Variants in NUMB observed in about 807,000 individuals in gnomAD.
NUMB encodes NUMB endocytic adaptor protein, also known as protein numb homolog.
A neutral mutation model predicts 59.7 loss-of-function variants in NUMB; 29 were observed. That is an observed-to-expected ratio of 0.49 (90% CI 0.36 to 0.66). The LOEUF (loss-of-function observed/expected upper bound fraction) is 0.66, where lower values mean the gene tolerates loss of function less well. Ranked by LOEUF, NUMB falls within the 30% of genes least tolerant of loss-of-function variation. NUMB has a pLI of 0.00. For missense variants in NUMB, 723 were observed against 822.0 expected (o/e 0.88, Z 1.47); for synonymous variants, 288 against 288.2 (o/e 1.00, Z 0.01).
chr14:73,439,918 C>T (rs1595041710), intron 1 of NUMB, among the ~76,000 whole-genome samples: 2 of 152,114 alleles, frequency 1.3e-5, no homozygotes, highest in Non-Finnish European at 2.9e-5. Context: ...AGAGAAATAG[C>T]AGCTGAACTT....
intron 4 of NUMB, among the ~76,000 whole-genome samples, chr14:73,338,004 T>G (rs886393361): frequency 1.3e-5 from 2 of 152,036 alleles, no homozygotes; most frequent in Admixed American, 6.6e-5. Flanking sequence ...ATTGGTACAG[T>G]TCAGGTGCAG....
Position 73,282,373 on chromosome 14 carries a change from G to T in NUMB, c.1082C>A (p.Ser361Tyr). Reference sequence around the variant, plus strand: ...AGGGCACCAACCTTGGAAGGTAGGAGATTGTGGTGCCACCACTGTCACTGG... The same window carrying T: ...AGGGCACCAACCTTGGAAGGTAGGATATTGTGGTGCCACCACTGTCACTGG... ...TKPVTVVAPQSPTFQANGTDS... is the reference protein window; with the variant it reads ...TKPVTVVAPQYPTFQANGTDS... The change falls in exon 11 of 13, where the codon TCT (serine) becomes TAT (tyrosine). Residue 361 changes from serine to tyrosine, a missense_variant. Physicochemically the swap from Ser to Tyr is moderately radical, Grantham distance 144. Around this residue, in one of 2 missense-constraint regions of NUMB, gnomAD observed 406 missense variants for 385.4 expected, o/e 1.05. Coordinates refer to ENST00000555238, the MANE Select transcript of NUMB (RefSeq NM_001005743.2). The T allele has an allele frequency of 6.2e-7, 1 of 1,614,188 alleles. No homozygotes were observed. The highest frequency in any genetic ancestry group is 8.5e-7 in the Non-Finnish European group (1 of 1,180,028).
intron 2 of NUMB, among the ~76,000 whole-genome samples, chr14:73,401,563 ATTTTTTTTTTTT>A (rs1164847403): frequency 2.7e-5 from 3 of 110,054 alleles, no homozygotes; most frequent in Non-Finnish European, 3.6e-5. Context: ...GTAAGACTAA[ATTTTTTTTTTTT>A]TTTTTTTTTT....
At chr14:73,331,816 A>T (rs1891996390) in intron 4 of NUMB, among the ~76,000 whole-genome samples, 1 of 152,124 alleles carries the variant, frequency 6.6e-6, no homozygotes. Context: ...GCCTTCTGCC[A>T]CGATTGCAAG....
chr14:73,435,431 G>A (rs1221128539), intron 1 of NUMB, among the ~76,000 whole-genome samples: 1 of 151,452 alleles, frequency 6.6e-6, no homozygotes. Context: ...CCGCCACCAC[G>A]CCCAGCTAAT....
At position 73,336,286 on chromosome 14, in the gene NUMB, C is replaced by A. The variant is rs149537808; in HGVS notation, c.127-13082G>T. On this transcript the variant is annotated intron_variant, in intron 4 of 12. Transcript: ENST00000555238. ...TTACATATATTAACTTATCATTATT[C>A]TTCTTTAAAACAAAGAGAAGATGAC... is the stretch of plus-strand genomic sequence containing the variant. Among the ~76,000 whole-genome samples the A allele has an allele frequency of 4.1e-4, 63 of 152,286 alleles. 1 individual carries two copies. Among genetic ancestry groups the A allele is most frequent in the African/African-American group, 1.5e-3 (61 of 41,558 alleles).
At chr14:73,314,707 C>CGCCTTATCTTATATAGCTTATCGTATATA (rs1566739459) in intron 6 of NUMB, among the ~76,000 whole-genome samples, 3 of 151,958 alleles carry the variant, frequency 2.0e-5, no homozygotes, top group Non-Finnish European at 4.4e-5. Context: ...TTATCTATGA[C>CGCCTTATCTTATATAGCTTATCGTATATA]GCCTTATCTT....
At chr14:73,432,406 G>C (rs1897872848) in intron 1 of NUMB, among the ~76,000 whole-genome samples, 1 of 152,016 alleles carries the variant, frequency 6.6e-6, no homozygotes, top group South Asian at 2.1e-4. Flanking sequence ...ATTGAAATGA[G>C]AGGAATGAAT....
At chr14:73,376,678 A>T (rs1483513196) in intron 2 of NUMB, among the ~76,000 whole-genome samples, 2 of 152,248 alleles carry the variant, frequency 1.3e-5, no homozygotes, top group South Asian at 4.1e-4. Context: ...AAAAATACAG[A>T]CAAATAGATC....
chr14:73,370,710 A>G (rs1894629845), intron 2 of NUMB, among the ~76,000 whole-genome samples: 1 of 152,088 alleles, frequency 6.6e-6, no homozygotes, highest in African/African-American at 2.4e-5. Context: ...AAAAAAAAAA[A>G]AATCAGGTTC....
intron 4 of NUMB, among the ~76,000 whole-genome samples, chr14:73,353,375 C>T (rs1345921625): frequency 6.6e-6 from 1 of 150,980 alleles, no homozygotes; most frequent in Non-Finnish European, 1.5e-5. Flanking sequence ...GTGTCAGCCA[C>T]TGTGCCTGGC....
At chr14:73,343,977 G>A (rs1424277380) in intron 4 of NUMB, among the ~76,000 whole-genome samples, 1 of 152,014 alleles carries the variant, frequency 6.6e-6, no homozygotes, top group Non-Finnish European at 1.5e-5. Context: ...CCTAAGTTGG[G>A]GATAGAAGAT....
intron 2 of NUMB, among the ~76,000 whole-genome samples, chr14:73,380,719 A>G (rs1317759727): frequency 7.1e-6 from 1 of 141,106 alleles, no homozygotes; most frequent in East Asian, 2.2e-4. Context: ...CACATTCATC[A>G]ATTAGTTTTT....
intron 6 of NUMB, among the ~76,000 whole-genome samples, chr14:73,311,949 G>T (rs1053358439): frequency 6.6e-6 from 1 of 152,136 alleles, no homozygotes; most frequent in African/African-American, 2.4e-5. Context: ...CCAAATTAAA[G>T]AAAAAATTAT....
chr14:73,305,273 G>C (rs1410268179), intron 6 of NUMB, among the ~76,000 whole-genome samples: 4 of 152,094 alleles, frequency 2.6e-5, no homozygotes. Context: ...AACAAATACA[G>C]TAGTGGGCCA....
chr14:73,406,089 TTTG>T (rs1896651177), intron 2 of NUMB, among the ~76,000 whole-genome samples: 2 of 60,350 alleles, frequency 3.3e-5, no homozygotes, highest in African/African-American at 2.1e-4. Context: ...TTAACATATT[TTTG>T]TTTTTTTTTT....
At chr14:73,446,471 G>A (rs1883514241) in intron 1 of NUMB, among the ~76,000 whole-genome samples, 1 of 152,024 alleles carries the variant, frequency 6.6e-6, no homozygotes, top group South Asian at 2.1e-4. Flanking sequence ...GCCAGGCGTG[G>A]TGGCACACCC....
intron 2 of NUMB, among the ~76,000 whole-genome samples, chr14:73,385,153 C>G (rs1895442657): frequency 6.6e-6 from 1 of 151,894 alleles, no homozygotes; most frequent in East Asian, 1.9e-4. Flanking sequence ...GTTTGAGGAA[C>G]TGAAGTTTTA....
rs200195176 is a variant in NUMB at position 73,396,321 on chromosome 14, G to GGTGTGT, written c.-101+13610_-101+13615dup. Among the ~76,000 whole-genome samples the GGTGTGT allele has an allele frequency of 1.7e-3, 248 of 144,318 alleles. 1 individual carries two copies. The highest frequency in any genetic ancestry group is 7.4e-3 in the East Asian group (37 of 4,978). The allele number at this position is 144,318 out of a possible 152,430, so 94.7% of individuals were successfully genotyped here. On this transcript the variant is annotated intron_variant, in intron 2 of 12. Transcript: ENST00000555238. ...CTATCTATTTACTTTAATTATTAGG[G>GGTGTGT]GTGTGTGTGTGTGTGTGTGTGTGTG...
Sources: gnomAD v4.1 joint callset for allele counts (sites outside exome capture counted in the v4.1 genomes callset) on GRCh38, gnomAD v4.1.1 for gene constraint, gnomAD v4.1.1 regional missense constraint, MANE v1.5 for transcripts, NCBI Gene and HGNC (gene_info 2026-07-23, HGNC 2026-07-21) for gene names.